Variants in FER1L6 observed in about 807,000 individuals in gnomAD.
FER1L6 encodes fer-1-like protein 6.
Under a neutral mutation model 219.2 loss-of-function variants are expected in FER1L6, and 177 were observed. The ratio of observed to expected loss-of-function variants is 0.81; its 90% CI spans 0.71 to 0.91. The LOEUF is 0.91. FER1L6 is among the 40% of genes least tolerant of loss of function. The probability of loss-of-function intolerance (pLI) is 0.00; values close to 1 mark genes in which losing one functional copy is unlikely to be tolerated. For synonymous variants in FER1L6, 768 were observed against 824.3 expected, an observed-to-expected ratio of 0.93 and a Z score of 1.17; for missense variants, 2,153 against 2,259.9, an observed-to-expected ratio of 0.95 and a Z score of 0.96.
In FER1L6 at chr8:124,003,340, G is replaced by T. The variant is rs993898758; in HGVS notation, c.1693G>T (p.Gly565Trp). 2 of 1,612,296 alleles carry T rather than the reference G, an allele frequency of 1.2e-6. No homozygotes were observed. The highest frequency in any genetic ancestry group is 1.7e-6 in the Non-Finnish European group (2 of 1,179,576). Residue 565 changes from glycine to tryptophan, a missense_variant, in exon 13 of 41, where the codon GGG (glycine) becomes TGG (tryptophan). By Grantham distance (184) the Gly-to-Trp change is radical. Transcript: ENST00000522917. ...CCCGGAGAAGCCACTGGTGACAGAA[G>T]GGAACAGGTAGGAGACATAGCCTGG... Reference protein sequence around the residue: ...THPEKPLVTEGNRNYNYLPFE... With the variant: ...THPEKPLVTEWNRNYNYLPFE...
Position 123,948,296 on chromosome 8 carries a change from A to C in FER1L6, c.-7-7696A>C, listed in dbSNP as rs1167236680. Among the ~76,000 whole-genome samples the C allele has an allele frequency of 5.9e-5, 9 of 152,236 alleles. No individual in the cohort carries two copies. In the East Asian group the frequency reaches 1.7e-3, roughly 29 times the overall value. On this transcript the variant is annotated intron_variant, in intron 1 of 40. Coordinates refer to ENST00000522917, the MANE Select transcript of FER1L6 (RefSeq NM_001039112.2). ...ACTGATTCTCAAAGCCAGGGCTTTC[A>C]ATCTGAAAATCTATGCTTTTTAAAA...
intron 19 of FER1L6, among the ~76,000 whole-genome samples, chr8:124,037,923 G>A (rs1450522900): frequency 5.9e-5 from 9 of 152,068 alleles, no homozygotes. Context: ...TGGCCTAGAG[G>A]GAGCAGTGTT....
rs376723137 is a variant in FER1L6, at chr8:124,101,340, T to C, written c.5125+2T>C. ...GGCTGTCCTCAGATGACTTCCTGGG[T>C]AAGCCAGTGGCTTCATCAAGCACAT... On this transcript the variant is annotated splice_donor_variant, in intron 38 of 40. Coordinates refer to ENST00000522917, the MANE Select transcript of FER1L6 (RefSeq NM_001039112.2). LOFTEE classifies it high-confidence loss of function. The C allele has an allele frequency of 8.5e-5, 137 of 1,611,230 alleles. No homozygotes were observed. The highest frequency in any genetic ancestry group is 1.1e-4 in the Non-Finnish European group (135 of 1,177,818).
intron 1 of FER1L6, among the ~76,000 whole-genome samples, chr8:123,927,874 A>C (rs1240621874): frequency 6.6e-6 from 1 of 152,160 alleles, no homozygotes; most frequent in Non-Finnish European, 1.5e-5. Context: ...TTGCAACTTT[A>C]TATATCACAG....
At chr8:123,912,530 G>A (rs535732369) in intron 1 of FER1L6, among the ~76,000 whole-genome samples, 1 of 136,814 alleles carries the variant, frequency 7.3e-6, no homozygotes, top group African/African-American at 3.0e-5. Flanking sequence ...TACTATCTCC[G>A]AGAGAGCATT....
At chr8:123,913,255 GGTTA>G (rs76254561) in intron 1 of FER1L6, among the ~76,000 whole-genome samples, 41,674 of 151,626 alleles carry the variant, frequency 0.27, 6,011 homozygotes, top group East Asian at 0.43. Flanking sequence ...ATACAAATGG[GGTTA>G]GTTCCATTTT....
intron 1 of FER1L6, among the ~76,000 whole-genome samples, chr8:123,855,990 GTATATACATATGTATATGAGATATAT>G (rs1816632875): frequency 7.2e-6 from 1 of 139,162 alleles, no homozygotes; most frequent in Non-Finnish European, 1.5e-5. Flanking sequence ...TGAGATATAT[GTATATACATATGTATATGAGATATAT>G]GTATATACAT....
chr8:123,962,735 C>T (rs1815348552), intron 2 of FER1L6, among the ~76,000 whole-genome samples: 1 of 152,192 alleles, frequency 6.6e-6, no homozygotes. Flanking sequence ...TCAAGCGTTG[C>T]TCCTGCCTTA....
chr8:123,986,386 T>C (rs1816587239), intron 12 of FER1L6, among the ~76,000 whole-genome samples: 1 of 152,220 alleles, frequency 6.6e-6, no homozygotes. Flanking sequence ...GTTTTGTGGG[T>C]ACACAGTAGG....
chr8:124,023,533 C>G lies in FER1L6; in HGVS notation c.2223C>G (p.Leu741=), dbSNP rs761608536. The change falls in exon 18 of 41, where the codon CTC becomes CTG. Residue 741 remains leucine, a synonymous_variant. Coordinates refer to ENST00000522917, the MANE Select transcript of FER1L6 (RefSeq NM_001039112.2). ...AYARIASKDL[L]YSPVAGQMGK... ...CCCGCATCGCCTCCAAAGACCTCCT[C>G]TATTCCCCTGTCGCGGGGCAGATGG... is the stretch of plus-strand genomic sequence containing the variant. 2.5e-6 allele frequency: 4 copies of G among 1,614,226 alleles called. No individual in the cohort carries two copies. In the East Asian group the frequency reaches 6.7e-5, roughly 27 times the overall value.
chr8:123,951,224 C>T (rs192496452), intron 1 of FER1L6, among the ~76,000 whole-genome samples: 5 of 152,300 alleles, frequency 3.3e-5, no homozygotes, highest in Non-Finnish European at 7.3e-5. Context: ...TTTGTCCCAT[C>T]ACTGACCAAT....
At chr8:124,058,029 T>A (rs911662500) in intron 22 of FER1L6, among the ~76,000 whole-genome samples, 1 of 152,234 alleles carries the variant, frequency 6.6e-6, no homozygotes, top group Non-Finnish European at 1.5e-5. Flanking sequence ...TTTTATTGCA[T>A]GCTAGACATT....
chr8:124,110,562 C>T (rs577231608), intron 39 of FER1L6, among the ~76,000 whole-genome samples: 1 of 152,278 alleles, frequency 6.6e-6, no homozygotes, highest in South Asian at 2.1e-4. Context: ...AGTCTCCCAA[C>T]TCAAAAGCTA....
chr8:123,970,137 G>T, intron 6 of FER1L6, 40 bp downstream of exon 6: 1 of 1,587,360 alleles, frequency 6.3e-7, no homozygotes, highest in Non-Finnish European at 8.7e-7. Flanking sequence ...GGAGAGGTGG[G>T]AGACATTTTG....
chr8:124,116,226 C>A (rs533994987), intron 39 of FER1L6, among the ~76,000 whole-genome samples: 10 of 152,172 alleles, frequency 6.6e-5, no homozygotes, highest in Admixed American at 1.3e-4. Flanking sequence ...GTAATAAAAA[C>A]GCCATCTACT....
rs759756472 is a variant in FER1L6, at chr8:123,956,021, A to G, written c.23A>G (p.Lys8Arg). The change falls in exon 2 of 41, where the codon AAG becomes AGG. Residue 8 changes from lysine (K) to arginine (R), a missense_variant. Physicochemically the swap from Lys to Arg is conservative, Grantham distance 26. Transcript: ENST00000522917. Reference sequence around the variant, plus strand: ...GGGATGTTTGGGCTGAAGGTGAAGAAGAAGAGAAATAAGGCAGAGAAGGGG... The same window carrying G: ...GGGATGTTTGGGCTGAAGGTGAAGAGGAAGAGAAATAAGGCAGAGAAGGGG... MFGLKVK[K>R]KRNKAEKGLI... The G allele has an allele frequency of 3.5e-5, 56 of 1,612,182 alleles. 1 individual carries two copies. The highest frequency in any genetic ancestry group is 4.5e-5 in the Non-Finnish European group (53 of 1,179,472).
rs1397912940 is a variant in FER1L6, at chr8:123,853,689, C to A, written c.-8+1504C>A. ...TTTGAGAGAACCTATCCAAGTTGCA[C>A]GTATGCAGGTGACATGCTCATGGCT... On this transcript the variant is annotated intron_variant, in intron 1 of 40. Coordinates refer to ENST00000522917, the MANE Select transcript of FER1L6 (RefSeq NM_001039112.2). The surrounding 1 kb of genome is among the most constrained non-coding windows in gnomAD (Gnocchi z 6.6). Among the ~76,000 whole-genome samples, 1 of 152,138 alleles carries A rather than the reference C, an allele frequency of 6.6e-6. No individual in the cohort carries two copies. The highest frequency in any genetic ancestry group is 2.4e-5 in the African/African-American group (1 of 41,430).
rs1815728133 is a variant in FER1L6, at chr8:123,970,031, G to T, written c.385-4G>T. The T allele has an allele frequency of 1.2e-6, 2 of 1,613,862 alleles. No homozygotes were observed. The highest frequency in any genetic ancestry group is 4.5e-5 in the East Asian group (2 of 44,878). On this transcript the variant is annotated splice_region_variant and splice_polypyrimidine_tract_variant and intron_variant, in intron 5 of 40. Coordinates refer to ENST00000522917, the MANE Select transcript of FER1L6 (RefSeq NM_001039112.2). ...ATGACCAGAATGAACTTTTTGTTTT[G>T]CAGTACTTTGTCTTCGACTTCATTG...
At chr8:123,999,169 G>T (rs1012358607) in intron 12 of FER1L6, among the ~76,000 whole-genome samples, 4 of 152,004 alleles carry the variant, frequency 2.6e-5, no homozygotes, top group African/African-American at 9.7e-5. Flanking sequence ...AATGTGTTGG[G>T]TCACACCTGA....
Sources: allele counts gnomAD v4.1 joint callset (sites outside exome capture counted in the v4.1 genomes callset), GRCh38; gene constraint gnomAD v4.1.1; non-coding constraint Gnocchi (gnomAD v3.1); transcripts MANE v1.5; gene names NCBI Gene and HGNC (gene_info 2026-07-23, HGNC 2026-07-21).